Variants in THSD7A observed in about 807,000 individuals in gnomAD.
The protein encoded by THSD7A is thrombospondin type-1 domain-containing protein 7A.
A neutral mutation model predicts 231.3 loss-of-function variants in THSD7A; 96 were observed. The observed-to-expected ratio is 0.41, with a 90% CI of 0.35 to 0.49. The LOEUF is 0.49. Ranked by LOEUF, THSD7A falls within the 20% of genes least tolerant of loss-of-function variation. The pLI, the probability that THSD7A is intolerant of heterozygous loss-of-function variation, is 0.05. For missense variants in THSD7A, 2,290 were observed against 2,070.2 expected, an observed-to-expected ratio of 1.11 and a Z score of -2.06; for synonymous variants, 940 against 743.3, an observed-to-expected ratio of 1.26 and a Z score of -4.30.
intron 1 of THSD7A, among the ~76,000 whole-genome samples, chr7:11,827,172 C>T (rs373456464): frequency 6.6e-6 from 1 of 151,950 alleles, no homozygotes; most frequent in Admixed American, 6.6e-5. Flanking sequence ...GCCCAACAGA[C>T]TTTTATATTT....
At chr7:11,379,538 A>G in intron 25 of THSD7A, 92 bp downstream of exon 25, 1 of 1,246,306 alleles carries the variant, frequency 8.0e-7, no homozygotes, top group Non-Finnish European at 1.1e-6. Context: ...GCCTCAAGAC[A>G]TGCTTTCTTT....
At chr7:11,536,498 C>A (rs1361396785) in intron 6 of THSD7A, among the ~76,000 whole-genome samples, 1 of 152,134 alleles carries the variant, frequency 6.6e-6, no homozygotes, top group African/African-American at 2.4e-5. Flanking sequence ...CTTCTTTTCT[C>A]TGGAATTTGC....
chr7:11,696,628 C>T (rs569565989), intron 1 of THSD7A, among the ~76,000 whole-genome samples: 1 of 151,178 alleles, frequency 6.6e-6, no homozygotes, highest in East Asian at 2.0e-4. Context: ...CATGAGTGAA[C>T]TCCCATTCAC....
intron 1 of THSD7A, among the ~76,000 whole-genome samples, chr7:11,722,225 C>G (rs1235760122): frequency 6.6e-6 from 1 of 151,786 alleles, no homozygotes; most frequent in Non-Finnish European, 1.5e-5. Context: ...AAATTAAGCC[C>G]CTCCTTGCTC....
intron 1 of THSD7A, among the ~76,000 whole-genome samples, chr7:11,703,870 A>G (rs1469128796): frequency 6.6e-6 from 1 of 151,208 alleles, no homozygotes; most frequent in African/African-American, 2.4e-5. Flanking sequence ...AGCTTCAGTT[A>G]AAGACATCCC....
intron 6 of THSD7A, among the ~76,000 whole-genome samples, chr7:11,517,280 A>C (rs1281222450): frequency 6.6e-6 from 1 of 151,942 alleles, no homozygotes; most frequent in East Asian, 1.9e-4. Flanking sequence ...GGGTTTCACT[A>C]TGTTGGCCAG....
At chr7:11,667,359 T>C (rs1396052671) in intron 1 of THSD7A, among the ~76,000 whole-genome samples, 2 of 152,182 alleles carry the variant, frequency 1.3e-5, no homozygotes, top group Non-Finnish European at 2.9e-5. Flanking sequence ...CTGTTCACAA[T>C]TCTTTTAGAT....
chr7:11,597,703 A>G (rs1344333976), intron 2 of THSD7A, among the ~76,000 whole-genome samples: 2 of 152,170 alleles, frequency 1.3e-5, no homozygotes, highest in African/African-American at 2.4e-5. Context: ...TCAAGTCTCC[A>G]TGTGACCTGA....
intron 22 of THSD7A, among the ~76,000 whole-genome samples, chr7:11,402,754 T>C (rs1428050291): frequency 6.6e-6 from 1 of 152,180 alleles, no homozygotes; most frequent in African/African-American, 2.4e-5. Flanking sequence ...GGCTTCTTTC[T>C]CTCATTTATG....
chr7:11,743,647 G>A (rs1782182076), intron 1 of THSD7A, among the ~76,000 whole-genome samples: 1 of 151,718 alleles, frequency 6.6e-6, no homozygotes, highest in Non-Finnish European at 1.5e-5. Context: ...TGGGGACTGA[G>A]TGGAGGAAAG....
intron 4 of THSD7A, among the ~76,000 whole-genome samples, chr7:11,588,828 A>T (rs1466977884): frequency 1.3e-5 from 2 of 152,230 alleles, no homozygotes; most frequent in Admixed American, 6.5e-5. Context: ...AGTGGCCAAG[A>T]AAATATTAAT....
intron 2 of THSD7A, among the ~76,000 whole-genome samples, chr7:11,615,285 A>G (rs1781068001): frequency 6.6e-6 from 1 of 152,190 alleles, no homozygotes; most frequent in Non-Finnish European, 1.5e-5. Context: ...ATTCTTCACC[A>G]GATAGAGTGC....
chr7:11,563,607 C>T (rs1790169936), intron 4 of THSD7A, among the ~76,000 whole-genome samples: 1 of 152,128 alleles, frequency 6.6e-6, no homozygotes, highest in African/African-American at 2.4e-5. Context: ...GGTGATCCGC[C>T]CTCCTCAGCC....
At chr7:11,631,155 G>C (rs1781639361) in intron 2 of THSD7A, among the ~76,000 whole-genome samples, 1 of 152,160 alleles carries the variant, frequency 6.6e-6, no homozygotes, top group Non-Finnish European at 1.5e-5. Context: ...AAGAGCCTTG[G>C]ATAAACCTTT....
intron 13 of THSD7A, among the ~76,000 whole-genome samples, chr7:11,443,797 A>G (rs1220054009): frequency 6.6e-6 from 1 of 152,058 alleles, no homozygotes. Flanking sequence ...ATACTCCTGT[A>G]ATGATCAAAT....
intron 17 of THSD7A, among the ~76,000 whole-genome samples, 170 bp from the exon 18 acceptor site, chr7:11,412,970 G>A (rs1201941471): frequency 6.6e-6 from 1 of 152,136 alleles, no homozygotes; most frequent in Non-Finnish European, 1.5e-5. Context: ...TGAAGGTGTT[G>A]AATGAGATTT....
At chr7:11,684,031 A>G (rs1779935147) in intron 1 of THSD7A, among the ~76,000 whole-genome samples, 1 of 152,038 alleles carries the variant, frequency 6.6e-6, no homozygotes, top group South Asian at 2.1e-4. Context: ...AAAAATATCC[A>G]GCACAATCAA....
chr7:11,490,670 A>G (rs1043186521), intron 6 of THSD7A, among the ~76,000 whole-genome samples: 4 of 152,044 alleles, frequency 2.6e-5, no homozygotes, highest in African/African-American at 4.8e-5. Flanking sequence ...ATTCTTGAAT[A>G]GTTCTTTCTT....
At chr7:11,435,245 C>T in intron 13 of THSD7A, among the ~76,000 whole-genome samples, 1 of 152,056 alleles carries the variant, frequency 6.6e-6, no homozygotes, top group Admixed American at 6.6e-5. Context: ...AAAGGCTTCT[C>T]TTGTATAATA....
Sources: gnomAD v4.1 joint callset for allele counts (sites outside exome capture counted in the v4.1 genomes callset) on GRCh38, gnomAD v4.1.1 for gene constraint, MANE v1.5 for transcripts, NCBI Gene and HGNC (gene_info 2026-07-23, HGNC 2026-07-21) for gene names.